Variants in DST observed in about 807,000 individuals in gnomAD.
DST encodes the protein bullous pemphigoid antigen.
DST carries 253 observed loss-of-function variants against 875.2 expected under a neutral mutation model. That is an observed-to-expected ratio of 0.29 (90% confidence interval 0.26 to 0.32). DST has a LOEUF of 0.32. DST is among the 10% of genes least tolerant of loss of function. The pLI, the probability that DST is intolerant of heterozygous loss-of-function variation, is 1.00. For synonymous variants in DST, 3,124 were observed against 3,197.1 expected (o/e 0.98, Z 0.77); for missense variants, 8,287 against 9,111.6 (o/e 0.91, Z 3.68).
At chr6:56,733,259 T>A (rs1313284136) in intron 5 of DST, among the ~76,000 whole-genome samples, 3 of 151,964 alleles carry the variant, frequency 2.0e-5, no homozygotes, top group African/African-American at 7.3e-5. Flanking sequence ...CACCTATCAA[T>A]CTCCTCAAAA....
At chr6:56,824,244 C>G (rs1001263700) in intron 4 of DST, among the ~76,000 whole-genome samples, 2 of 152,218 alleles carry the variant, frequency 1.3e-5, no homozygotes, top group East Asian at 3.9e-4. Context: ...CTCCTAACCG[C>G]GAGTGATCCG....
intron 2 of DST, among the ~76,000 whole-genome samples, chr6:56,934,595 G>C (rs1362587796): frequency 8.7e-6 from 1 of 114,554 alleles, no homozygotes; most frequent in African/African-American, 3.1e-5. Context: ...TATATCGTGA[G>C]AGAGAGAGAA....
At chr6:56,586,626 CT>C (rs1384806600) in intron 49 of DST, among the ~76,000 whole-genome samples, 7 of 152,148 alleles carry the variant, frequency 4.6e-5, no homozygotes, top group Non-Finnish European at 7.3e-5. Context: ...TCCCTGACCC[CT>C]GACCCCCGAG....
In DST at chr6:56,640,042, T is replaced by G; in HGVS notation, c.2506A>C (p.Thr836Pro). The change falls in exon 19 of 104, where the codon ACT becomes CCT. Residue 836 changes from threonine to proline, a missense_variant. Transcript: ENST00000680361. ...VDEMQVQLDR[T>P]EWGSDLPSVE... ...CTTGGCAAATCTGAGCCCCACTCAG[T>G]GCGGTCCAGTTGTACCTTCAGACAG... is the stretch of plus-strand genomic sequence containing the variant. 1 of 1,614,090 alleles carries G rather than the reference T, an allele frequency of 6.2e-7. No individual in the cohort carries two copies. The highest frequency in any genetic ancestry group is 8.5e-7 in the Non-Finnish European group (1 of 1,179,982).
chr6:56,683,157 C>T (rs2152845145), intron 9 of DST, among the ~76,000 whole-genome samples: 1 of 152,286 alleles, frequency 6.6e-6, no homozygotes, highest in South Asian at 2.1e-4. Flanking sequence ...GGTCTTATAT[C>T]CCCATTTTCT....
chr6:56,775,003 A>AG (rs1172584110), intron 4 of DST, among the ~76,000 whole-genome samples: 1 of 151,932 alleles, frequency 6.6e-6, no homozygotes, highest in Non-Finnish European at 1.5e-5. Flanking sequence ...AAAAAAAAAA[A>AG]AAAAAAAAGG....
intron 12 of DST, among the ~76,000 whole-genome samples, chr6:56,649,232 T>TG (rs903061674): frequency 2.6e-5 from 4 of 152,202 alleles, no homozygotes; most frequent in Admixed American, 2.6e-4. Context: ...GGAGGAAACT[T>TG]GGAAGGCTGC....
At chr6:56,896,301 G>T (rs1378861890) in intron 3 of DST, among the ~76,000 whole-genome samples, 1 of 152,056 alleles carries the variant, frequency 6.6e-6, no homozygotes, top group African/African-American at 2.4e-5. Flanking sequence ...TTCAATCATG[G>T]GGGTCGGTCT....
chr6:56,569,380 A>G (rs1003067500), intron 54 of DST, among the ~76,000 whole-genome samples: 14 of 150,538 alleles, frequency 9.3e-5, no homozygotes, highest in South Asian at 4.2e-4. Flanking sequence ...GAATGGGGGA[A>G]AAAAAATGCC....
At chr6:56,735,388 T>TA (rs1200342976) in intron 4 of DST, 99 bp from the exon 5 acceptor site, 1 of 765,664 alleles carries the variant, frequency 1.3e-6, no homozygotes, top group African/African-American at 1.8e-5. Flanking sequence ...ATTTAAAAGA[T>TA]ATGCTTCAGT....
At chr6:56,708,521 A>G (rs565211384) in intron 5 of DST, among the ~76,000 whole-genome samples, 10 of 152,280 alleles carry the variant, frequency 6.6e-5, no homozygotes, top group Non-Finnish European at 1.3e-4. Flanking sequence ...GAAATACTGT[A>G]TATGGAAAAC....
intron 3 of DST, among the ~76,000 whole-genome samples, chr6:56,884,770 C>T (rs1670141591): frequency 6.6e-6 from 1 of 152,076 alleles, no homozygotes; most frequent in African/African-American, 2.4e-5. Context: ...ACTCTGTTGC[C>T]CAGGCTGGAG....
chr6:56,574,385 C>G (rs1026099966), intron 50 of DST, among the ~76,000 whole-genome samples: 11 of 152,184 alleles, frequency 7.2e-5, no homozygotes, highest in Admixed American at 7.2e-4. Context: ...CTATCTCCCT[C>G]CTTCATACAC....
chr6:56,802,174 G>A (rs766372991), intron 4 of DST, among the ~76,000 whole-genome samples: 4 of 151,968 alleles, frequency 2.6e-5, no homozygotes, highest in Middle Eastern at 3.4e-3. Context: ...AATAATCTGA[G>A]CATTATTAGC....
chr6:56,462,012 T>C (rs551865770), intron 102 of DST: 12 of 152,368 alleles, frequency 7.9e-5, no homozygotes, highest in African/African-American at 2.9e-4. Flanking sequence ...GCCTGTCACT[T>C]ATTATTAATG....
At chr6:56,584,200 C>T (rs1027594236) in intron 49 of DST, among the ~76,000 whole-genome samples, 13 of 151,890 alleles carry the variant, frequency 8.6e-5, no homozygotes, top group South Asian at 2.1e-4. Context: ...GCCATTTTCA[C>T]GATATTGATT....
At chr6:56,676,485 G>A (rs1458079189) in intron 9 of DST, among the ~76,000 whole-genome samples, 1 of 152,104 alleles carries the variant, frequency 6.6e-6, no homozygotes, top group Admixed American at 6.5e-5. Flanking sequence ...ATTAAAAATA[G>A]AACTACCATA....
chr6:56,793,068 CAAAAAAAAAAAAAA>C (rs61457774), intron 4 of DST, among the ~76,000 whole-genome samples: 28 of 42,348 alleles, frequency 6.6e-4, no homozygotes, highest in Admixed American at 1.8e-3. Context: ...GACCCTGTCT[CAAAAAAAAAAAAAA>C]AAAAAAAAAA....
intron 2 of DST, among the ~76,000 whole-genome samples, chr6:56,931,439 G>A (rs796760354): frequency 3.3e-5 from 5 of 152,346 alleles, no homozygotes; most frequent in African/African-American, 1.2e-4. Context: ...TGTGAGGTCA[G>A]AGCCCCCACA....
Sources: allele counts gnomAD v4.1 joint callset (sites outside exome capture counted in the v4.1 genomes callset), GRCh38; gene constraint gnomAD v4.1.1; transcripts MANE v1.5; gene names NCBI Gene and HGNC (gene_info 2026-07-23, HGNC 2026-07-21).